AGAP3: variants seen among roughly 807,000 people sequenced by gnomAD.
AGAP3 encodes arf-GAP with GTPase, ANK repeat and PH domain-containing protein 3.
In AGAP3, 24 loss-of-function variants were observed where a neutral mutation model predicts 96.9. The observed-to-expected ratio is 0.25, with a 90% CI of 0.18 to 0.35. AGAP3 has a LOEUF of 0.35. Ranked by LOEUF, AGAP3 falls within the 10% of genes least tolerant of loss-of-function variation. The pLI is 1.00. For missense variants in AGAP3, 876 were observed against 1,254.2 expected (o/e 0.70, Z 4.55); for synonymous variants, 563 against 536.1 (o/e 1.05, Z -0.69).
intron 11 of AGAP3, among the ~76,000 whole-genome samples, chr7:151,137,519 G>A (rs761959967): frequency 6.6e-6 from 1 of 152,178 alleles, no homozygotes; most frequent in South Asian, 2.1e-4. Context: ...CAGGGAGTGA[G>A]GTGGGAGAAT....
At chr7:151,115,462 G>T (rs1329548547) in intron 1 of AGAP3, 1 of 1,015,570 alleles carries the variant, frequency 9.8e-7, no homozygotes, top group Non-Finnish European at 1.2e-6. Context: ...TTCCCCAGCC[G>T]CCGCGACCTG....
rs904149769 is a variant in AGAP3 at position 151,123,101 on chromosome 7, C to G, written c.1129-693C>G. ...AGGGGCGGGGGAGTCCAAGCCCGCCCGGCCCGGCTGCTCCTGGGGGGCGCT... is the reference window on the plus strand; with the variant it reads ...AGGGGCGGGGGAGTCCAAGCCCGCCGGGCCCGGCTGCTCCTGGGGGGCGCT... On this transcript the variant is annotated intron_variant, in intron 8 of 17. Transcript: ENST00000397238. The G allele has an allele frequency of 4.3e-6, 5 of 1,151,686 alleles. No individual in the cohort carries two copies. In the African/African-American group the frequency reaches 4.9e-5, roughly 11 times the overall value. The allele number at this position is 1,151,686 out of a possible 1,614,324, so 71.3% of individuals were successfully genotyped here. A position where few individuals can be genotyped will look rare whatever the true frequency, so the allele number is the denominator to read the frequency against.
intron 9 of AGAP3, 147 bp from the exon 10 acceptor site, chr7:151,128,433 C>T: frequency 3.2e-6 from 2 of 630,508 alleles, no homozygotes; most frequent in Non-Finnish European, 5.6e-6. Flanking sequence ...CCCAAGTTCA[C>T]CGATAGGTCC....
intron 10 of AGAP3, among the ~76,000 whole-genome samples, chr7:151,130,501 T>C (rs1355259320): frequency 6.6e-6 from 1 of 152,048 alleles, no homozygotes; most frequent in Non-Finnish European, 1.5e-5. Context: ...GAGAGAGTCA[T>C]GTAAGAGTTA....
intron 11 of AGAP3, 115 bp downstream of exon 11, chr7:151,134,683 C>A: frequency 9.1e-7 from 1 of 1,094,762 alleles, no homozygotes; most frequent in Non-Finnish European, 1.3e-6. Context: ...GCCAGCATCA[C>A]ACTTCAAGGT....
At chr7:151,100,786 G>A (rs1002934571) in intron 1 of AGAP3, among the ~76,000 whole-genome samples, 2 of 152,206 alleles carry the variant, frequency 1.3e-5, no homozygotes, top group Non-Finnish European at 2.9e-5. Context: ...AGGCTGCAGT[G>A]AGCTGAGATT....
chr7:151,114,758 G>A lies in AGAP3; in HGVS notation c.332-2035G>A, dbSNP rs1420671038. 7.9e-6 allele frequency: 8 copies of A among 1,018,184 alleles called. No individual in the cohort carries two copies. The highest frequency in any genetic ancestry group is 9.4e-5 in the East Asian group (1 of 10,598). The allele number at this position is 1,018,184 out of a possible 1,614,324, so 63.1% of individuals were successfully genotyped here. On this transcript the variant is annotated intron_variant, in intron 1 of 17. Coordinates refer to ENST00000397238, the MANE Select transcript of AGAP3 (RefSeq NM_031946.7). This position sits in a 1 kb window ranked among gnomAD's most constrained non-coding sequence, Gnocchi z 4.4. ...CTCGCCATGGGCCTGGCCCGCGCCC[G>A]CCGGCCCTGAGCATGGAGCGGGGCT...
Position 151,088,546 on chromosome 7 carries a change from C to G in AGAP3, c.331+1474C>G, listed in dbSNP as rs111398314. Among the ~76,000 whole-genome samples the G allele has an allele frequency of 6.6e-3, 1,007 of 152,358 alleles. 6 individuals carry two copies. Among genetic ancestry groups the G allele is most frequent in the Non-Finnish European group, 9.2e-3 (624 of 68,034 alleles). On this transcript the variant is annotated intron_variant, in intron 1 of 17. Coordinates refer to ENST00000397238, the MANE Select transcript of AGAP3 (RefSeq NM_031946.7). ...GAGAGACATCGTTGCTGCAGCTTCA[C>G]TGTCCTTGGAGGAAGTAAAGACATT...
rs192957763 is a variant in AGAP3 at position 151,116,789 on chromosome 7, G to A, written c.332-4G>A. ...CCCTGACGGGGCGGCTCTGTCTTCC[G>A]CAGACTCGTTTGTGAACAGCCAGGA... is the stretch of plus-strand genomic sequence containing the variant. On this transcript the variant is annotated splice_polypyrimidine_tract_variant and splice_region_variant and intron_variant, in intron 1 of 17. Transcript: ENST00000397238. 8.1e-6 allele frequency: 13 copies of A among 1,614,060 alleles called. No homozygotes were observed. The highest frequency in any genetic ancestry group is 5.3e-5 in the African/African-American group (4 of 75,040).
rs1312107866 is a variant in AGAP3 at position 151,123,778 on chromosome 7, T to G, written c.1129-16T>G. 2 of 1,613,002 alleles carry G rather than the reference T, an allele frequency of 1.2e-6. No individual in the cohort carries two copies. Among genetic ancestry groups the G allele is most frequent in the Admixed American group, 3.3e-5 (2 of 60,012 alleles). ...ACCCTGGGCCTCTTTAACACGCCTCTTGTTTTCTCTTCCAGTCTCGGAAGG... is the reference window on the plus strand; with the variant it reads ...ACCCTGGGCCTCTTTAACACGCCTCGTGTTTTCTCTTCCAGTCTCGGAAGG... On this transcript the variant is annotated splice_polypyrimidine_tract_variant and intron_variant, in intron 8 of 17. Coordinates refer to ENST00000397238, the MANE Select transcript of AGAP3 (RefSeq NM_031946.7).
intron 1 of AGAP3, among the ~76,000 whole-genome samples, chr7:151,098,796 A>G (rs932158786): frequency 7.3e-6 from 1 of 137,528 alleles, no homozygotes; most frequent in Admixed American, 7.7e-5. Context: ...GCAGTGGTGC[A>G]GTCTTGGCTC....
chr7:151,132,857 A>G (rs1178894654), intron 10 of AGAP3, among the ~76,000 whole-genome samples: 7 of 152,158 alleles, frequency 4.6e-5, no homozygotes, highest in African/African-American at 1.7e-4. Flanking sequence ...CCCTGGTGAG[A>G]CTTCCTGCCC....
chr7:151,144,097 A>C lies in AGAP3; in HGVS notation c.*154A>C. On this transcript the variant is annotated 3_prime_UTR_variant, in exon 18 of 18. Coordinates refer to ENST00000397238, the MANE Select transcript of AGAP3 (RefSeq NM_031946.7). ...TTAGGGAGGAGAGTCAAAGGGATCAAGGAGAGTTGGGGATTTGAGCTGCAG... is the reference window on the plus strand; with the variant it reads ...TTAGGGAGGAGAGTCAAAGGGATCACGGAGAGTTGGGGATTTGAGCTGCAG... 1.2e-6 allele frequency: 1 copy of C among 804,098 alleles called. No homozygotes were observed. Among genetic ancestry groups the C allele is most frequent in the Non-Finnish European group, 1.9e-6 (1 of 518,106 alleles). The allele number at this position is 804,098 out of a possible 1,614,324, so 49.8% of individuals were successfully genotyped here.
In AGAP3 at chr7:151,120,152, G is replaced by A; in HGVS notation, c.1128+7G>A. 1 of 1,590,892 alleles carries A rather than the reference G, an allele frequency of 6.3e-7. No homozygotes were observed. Among genetic ancestry groups the A allele is most frequent in the South Asian group, 1.1e-5 (1 of 88,074 alleles). ...GCGCTCCAACATCTTCACGGTACGT[G>A]ACTGCCCTCCTCCCCCGCCCAGCTG... is the stretch of plus-strand genomic sequence containing the variant. On this transcript the variant is annotated splice_region_variant and intron_variant, in intron 8 of 17. Transcript: ENST00000397238.
chr7:151,110,969 G>C (rs535631546), intron 1 of AGAP3, among the ~76,000 whole-genome samples: 1 of 152,332 alleles, frequency 6.6e-6, no homozygotes, highest in South Asian at 2.1e-4. Context: ...TCTCGGGACA[G>C]CTGCTGGGAC....
intron 1 of AGAP3, among the ~76,000 whole-genome samples, chr7:151,106,536 G>A (rs368738998): frequency 1.4e-3 from 211 of 152,056 alleles, no homozygotes; most frequent in African/African-American, 4.8e-3. Flanking sequence ...GGAGTGCAGT[G>A]GTGCAGTCTT....
At chr7:151,107,568 G>A (rs907954800) in intron 1 of AGAP3, among the ~76,000 whole-genome samples, 3 of 151,964 alleles carry the variant, frequency 2.0e-5, no homozygotes, top group African/African-American at 7.3e-5. Context: ...AGGCTGCAGT[G>A]AGCTGTGATG....
At chr7:151,138,643 C>T (rs561185833) in intron 12 of AGAP3, among the ~76,000 whole-genome samples, 34 of 152,340 alleles carry the variant, frequency 2.2e-4, no homozygotes, top group African/African-American at 5.5e-4. Context: ...TGTCCCCAGG[C>T]GGCGCTGGTG....
At chr7:151,115,886 G>A (rs1320948166) in intron 1 of AGAP3, among the ~76,000 whole-genome samples, 1 of 152,208 alleles carries the variant, frequency 6.6e-6, no homozygotes, top group Non-Finnish European at 1.5e-5. Context: ...GAGGGCTCTG[G>A]GCTAGGCCAG....
Sources: gnomAD v4.1 joint callset for allele counts (sites outside exome capture counted in the v4.1 genomes callset) on GRCh38, gnomAD v4.1.1 for gene constraint, Gnocchi (gnomAD v3.1) non-coding constraint, MANE v1.5 for transcripts, NCBI Gene and HGNC (gene_info 2026-07-23, HGNC 2026-07-21) for gene names.